The following SRRM2 variants were observed in gnomAD, a reference collection of about 807,000 sequenced individuals.
SRRM2 encodes the protein serine/arginine repetitive matrix 2, also known as serine/arginine repetitive matrix protein 2.
A neutral mutation model predicts 213.8 loss-of-function variants in SRRM2; 30 were observed. The ratio of observed to expected loss-of-function variants is 0.14; its 90% CI spans 0.10 to 0.19. SRRM2 has a LOEUF of 0.19. Among genes scored for constraint, SRRM2 ranks in the 10% least tolerant of loss-of-function variants. The pLI, the probability that SRRM2 is intolerant of heterozygous loss-of-function variation, is 1.00. For missense variants in SRRM2, 4,904 were observed against 3,647.0 expected (o/e 1.34, Z -8.88); for synonymous variants, 2,025 against 1,377.7 (o/e 1.47, Z -10.40).
At chr16:2,769,424 C>T in intron 12 of SRRM2, 140 bp downstream of exon 12, 2 of 980,836 alleles carry the variant, frequency 2.0e-6, no homozygotes, top group African/African-American at 1.6e-5. Flanking sequence ...ACTTGCTCTC[C>T]TCTCCCCATG....
chr16:2,762,637 C>T lies in SRRM2; in HGVS notation c.2109C>T (p.Arg703=), dbSNP rs770210308. Residue 703 remains arginine, a synonymous_variant, in exon 11 of 15, where the codon CGC becomes CGT. Transcript: ENST00000301740. ...RSRTPRRGRS[R]SRSLVRRGRS... is the part of the protein sequence containing the mutation. Reference sequence around the variant, plus strand: ...GGACACCAAGACGAGGAAGATCCCGCAGTAGAAGCTTAGTTAGACGTGGAA... The same window carrying T: ...GGACACCAAGACGAGGAAGATCCCGTAGTAGAAGCTTAGTTAGACGTGGAA... 6 of 1,614,136 alleles carry T rather than the reference C, an allele frequency of 3.7e-6. No homozygotes were observed. The Admixed American group carries it at 6.7e-5, about 18-fold the overall frequency.
At chr16:2,769,602 T>G in intron 12 of SRRM2, 1 of 621,000 alleles carries the variant, frequency 1.6e-6, no homozygotes, top group South Asian at 1.5e-5. Context: ...CTGGCCACCA[T>G]CATCTTCTCC....
Position 2,771,179 on chromosome 16 carries a change from A to C in SRRM2, c.*312A>C, listed in dbSNP as rs1383373935. 8.0e-6 allele frequency: 5 copies of C among 626,520 alleles called. No individual in the cohort carries two copies. Among genetic ancestry groups the C allele is most frequent in the Non-Finnish European group, 1.4e-5 (5 of 357,280 alleles). The allele number at this position is 626,520 out of a possible 1,614,324, so 38.8% of individuals were successfully genotyped here. On this transcript the variant is annotated 3_prime_UTR_variant, in exon 15 of 15. Coordinates refer to ENST00000301740, the MANE Select transcript of SRRM2 (RefSeq NM_016333.4). ...GTCAGGGCCAGGGAGGCATGGCCCC[A>C]CTTGTATCCAGAAGTTCCCAGGGGT... is the stretch of plus-strand genomic sequence containing the variant.
chr16:2,770,965 C>T lies in SRRM2; in HGVS notation c.*98C>T, dbSNP rs774993882. On this transcript the variant is annotated 3_prime_UTR_variant, in exon 15 of 15. Transcript: ENST00000301740. ...CCGTGGGAGGGTCCTTGTCTGCTCT[C>T]CTTTGAACCTTGGCAGCCCTTGGAT... is the stretch of plus-strand genomic sequence containing the variant. 5.3e-6 allele frequency: 8 copies of T among 1,496,502 alleles called. No homozygotes were observed. Among genetic ancestry groups the T allele is most frequent in the South Asian group, 4.8e-5 (4 of 83,912 alleles). The allele number at this position is 1,496,502 out of a possible 1,614,324, so 92.7% of individuals were successfully genotyped here. A position where few individuals can be genotyped will look rare whatever the true frequency, so the allele number is the denominator to read the frequency against.
At chr16:2,768,934 C>T in intron 11 of SRRM2, 63 bp from the exon 12 acceptor site, 1 of 1,605,356 alleles carries the variant, frequency 6.2e-7, no homozygotes, top group Non-Finnish European at 8.5e-7. Flanking sequence ...TCCTCCAGGC[C>T]AAGGAAGGTA....
At chr16:2,759,486 C>T in intron 8 of SRRM2, 83 bp from the exon 9 acceptor site, 1 of 1,599,394 alleles carries the variant, frequency 6.3e-7, no homozygotes, top group African/African-American at 1.3e-5. Context: ...ATGTCCCTGA[C>T]TGGTAAAGGG....
chr16:2,754,245 C>T (rs894806238), intron 1 of SRRM2, among the ~76,000 whole-genome samples: 1 of 151,640 alleles, frequency 6.6e-6, no homozygotes, highest in Admixed American at 6.6e-5. Context: ...CCTAAAAGTT[C>T]TCCGAAACAT....
chr16:2,763,002 A>G lies in SRRM2; in HGVS notation c.2474A>G (p.Gln825Arg). 2 of 1,614,124 alleles carry G rather than the reference A, an allele frequency of 1.2e-6. No individual in the cohort carries two copies. Among genetic ancestry groups the G allele is most frequent in the Non-Finnish European group, 1.7e-6 (2 of 1,180,018 alleles). ...TCCAGTTCTTCTCCGCCACCTAAAC[A>G]GAAATCTAAGACACCATCAAGACAA... ...SRSSSSPPPK[Q>R]KSKTPSRQSH... The change falls in exon 11 of 15, where the codon CAG (glutamine) becomes CGG (arginine). Residue 825 changes from glutamine to arginine, a missense_variant. By Grantham distance (43) the Gln-to-Arg change is conservative. Transcript: ENST00000301740.
In SRRM2 at chr16:2,763,701, A is replaced by G; in HGVS notation, c.3173A>G (p.Lys1058Arg). 1 of 1,614,196 alleles carries G rather than the reference A, an allele frequency of 6.2e-7. No individual in the cohort carries two copies. Among genetic ancestry groups the G allele is most frequent in the Non-Finnish European group, 8.5e-7 (1 of 1,180,032 alleles). The stretch of plus-strand genomic sequence containing the variant: ...TTTGGTGTCTCATCTCTGCAACTGA[A>G]AGGACAATCTCAAACTTCACCAGAC... ...SYFGVSSLQL[K>R]GQSQTSPDHR... The change falls in exon 11 of 15, where the codon AAA (lysine) becomes AGA (arginine). Residue 1058 changes from lysine to arginine, a missense_variant. Coordinates refer to ENST00000301740, the MANE Select transcript of SRRM2 (RefSeq NM_016333.4).
rs754669784 is a variant in SRRM2, at chr16:2,766,971, T to C, written c.6443T>C (p.Val2148Ala). 5 of 1,613,966 alleles carry C rather than the reference T, an allele frequency of 3.1e-6. No individual in the cohort carries two copies. In the South Asian group the frequency reaches 5.5e-5, roughly 18 times the overall value. ...GGCAGCTCTAGAACACCCATGTCTG[T>C]CCTGCAGCAAGCCGGCGGCTCCATG... is the stretch of plus-strand genomic sequence containing the variant. Reference protein sequence around the residue: ...PLGSSRTPMSVLQQAGGSMMD... With the variant: ...PLGSSRTPMSALQQAGGSMMD... Residue 2148 changes from valine (V) to alanine (A), a missense_variant, in exon 11 of 15, where the codon GTC becomes GCC. Transcript: ENST00000301740. This position sits in a 1 kb window ranked among gnomAD's most constrained non-coding sequence, Gnocchi z 7.0.
In SRRM2 at chr16:2,764,964, A is replaced by C. The variant is rs985064021; in HGVS notation, c.4436A>C (p.Glu1479Ala). 1.9e-6 allele frequency: 3 copies of C among 1,614,120 alleles called. No individual in the cohort carries two copies. In the African/African-American group the frequency reaches 4.0e-5, roughly 22 times the overall value. Reference protein sequence around the residue: ...IPRTPSRGRSECDSSPEPKAL... With the variant: ...IPRTPSRGRSACDSSPEPKAL... ...AGAACGCCATCTAGAGGGAGAAGCG[A>C]ATGTGATTCTTCCCCAGAACCGAAA... The change falls in exon 11 of 15, where the codon GAA becomes GCA. Residue 1479 changes from glutamate to alanine, a missense_variant. Physicochemically the swap from Glu to Ala is moderately radical, Grantham distance 107. Transcript: ENST00000301740.
rs372915197 is a variant in SRRM2, at chr16:2,764,880, C to T, written c.4352C>T (p.Ser1451Phe). The T allele has an allele frequency of 2.5e-6, 4 of 1,614,082 alleles. No homozygotes were observed. The highest frequency in any genetic ancestry group is 1.3e-5 in the African/African-American group (1 of 74,924). Residue 1451 changes from serine (S) to phenylalanine (F), a missense_variant, in exon 11 of 15, where the codon TCT becomes TTT. By Grantham distance (155) the Ser-to-Phe change is radical (BLOSUM62 -2). Coordinates refer to ENST00000301740, the MANE Select transcript of SRRM2 (RefSeq NM_016333.4). ...TCTTCTCCAGGACTTAGAGATGGGTCTGGGACTCCCTCGAGGCACAGCCTG... is the reference window on the plus strand; with the variant it reads ...TCTTCTCCAGGACTTAGAGATGGGTTTGGGACTCCCTCGAGGCACAGCCTG... ...SGSSPGLRDG[S>F]GTPSRHSLSG...
At position 2,759,029 on chromosome 16, in the gene SRRM2, C is replaced by T. The variant is rs1555460106; in HGVS notation, c.638C>T (p.Ser213Leu). The T allele has an allele frequency of 1.2e-6, 2 of 1,613,970 alleles. No individual in the cohort carries two copies. The highest frequency in any genetic ancestry group is 1.7e-6 in the Non-Finnish European group (2 of 1,180,048). ...SSPRRERKKSSKKKKHRSESE... is the reference protein window; with the variant it reads ...SSPRRERKKSLKKKKHRSESE... ...CCTCGACGGGAGAGAAAGAAAAGCT[C>T]AAAGAAGAAGAAGCACAGGTATGAG... The change falls in exon 6 of 15, where the codon TCA becomes TTA. Residue 213 changes from serine (S) to leucine (L), a missense_variant. Coordinates refer to ENST00000301740, the MANE Select transcript of SRRM2 (RefSeq NM_016333.4).
chr16:2,762,810 C>G lies in SRRM2; in HGVS notation c.2282C>G (p.Ser761Cys). Residue 761 changes from serine (S) to cysteine (C), a missense_variant, in exon 11 of 15, where the codon TCT becomes TGT. Transcript: ENST00000301740. ...KSRISSRRSR[S>C]LSSPRSKAKS... The stretch of plus-strand genomic sequence containing the variant: ...CGCATTTCTTCAAGGCGGAGCAGGT[C>G]TCTCTCTTCACCACGGTCCAAAGCA... The G allele has an allele frequency of 1.1e-5, 17 of 1,614,142 alleles. No homozygotes were observed. Among genetic ancestry groups the G allele is most frequent in the Non-Finnish European group, 1.4e-5 (16 of 1,180,016 alleles).
intron 2 of SRRM2, 38 bp downstream of exon 2, chr16:2,756,644 G>A (rs765461593): frequency 7.7e-5 from 121 of 1,579,428 alleles, no homozygotes; most frequent in Non-Finnish European, 9.6e-5. Context: ...CACTGAATGA[G>A]TGCAGAGCTG....
rs1567234283 is a variant in SRRM2, at chr16:2,764,449, GCCA to G, written c.3923_3925del (p.Pro1308del). On this transcript the variant is annotated inframe_deletion, in exon 11 of 15. Transcript: ENST00000301740. ...CTTCAATGGCCTCATCTTGGGGTGG[GCCA>G]CATTTTTCTCCAGAACATAAAGAAC... 4 of 1,612,834 alleles carry G rather than the reference GCCA, an allele frequency of 2.5e-6. No homozygotes were observed. Among genetic ancestry groups the G allele is most frequent in the Non-Finnish European group, 3.4e-6 (4 of 1,179,700 alleles).
chr16:2,763,734 C>T lies in SRRM2; in HGVS notation c.3206C>T (p.Ser1069Phe). The T allele has an allele frequency of 3.1e-6, 5 of 1,614,182 alleles. No individual in the cohort carries two copies. Among genetic ancestry groups the T allele is most frequent in the Non-Finnish European group, 4.2e-6 (5 of 1,180,036 alleles). Residue 1069 changes from serine (S) to phenylalanine (F), a missense_variant, in exon 11 of 15, where the codon TCT (serine) becomes TTT (phenylalanine). By Grantham distance (155) the Ser-to-Phe change is radical (BLOSUM62 -2). Coordinates refer to ENST00000301740, the MANE Select transcript of SRRM2 (RefSeq NM_016333.4). ...TCTCAAACTTCACCAGACCACAGAT[C>T]TGATACTTCAAGTCCAGAAGTGAGA... ...GQSQTSPDHR[S>F]DTSSPEVRQS... is the part of the protein sequence containing the mutation.
chr16:2,757,357 A>T, intron 2 of SRRM2, 115 bp from the exon 3 acceptor site: 3 of 780,848 alleles, frequency 3.8e-6, no homozygotes, highest in Non-Finnish European at 6.4e-6. Flanking sequence ...GGTGAGCGAA[A>T]AGTTCTGTGT....
chr16:2,762,376 G>A lies in SRRM2; in HGVS notation c.1848G>A (p.Arg616=). 1 of 1,614,078 alleles carries A rather than the reference G, an allele frequency of 6.2e-7. No individual in the cohort carries two copies. The highest frequency in any genetic ancestry group is 8.5e-7 in the Non-Finnish European group (1 of 1,180,012). The change falls in exon 11 of 15, where the codon CGG becomes CGA. Residue 616 remains arginine, a synonymous_variant. Transcript: ENST00000301740. ...CACCAGCCCGGAGGGGCAGGTCTCGGTCTAGAACACCTGCTAGGCGCAGAT... is the reference window on the plus strand; with the variant it reads ...CACCAGCCCGGAGGGGCAGGTCTCGATCTAGAACACCTGCTAGGCGCAGAT... ...SRTPARRGRS[R]SRTPARRRSR...
Sources: allele counts gnomAD v4.1 joint callset (sites outside exome capture counted in the v4.1 genomes callset), GRCh38; gene constraint gnomAD v4.1.1; non-coding constraint Gnocchi (gnomAD v3.1); transcripts MANE v1.5; gene names NCBI Gene and HGNC (gene_info 2026-07-23, HGNC 2026-07-21).